TTC22: variants seen among roughly 807,000 people sequenced by gnomAD.
The protein encoded by TTC22 is tetratricopeptide repeat protein 22.
A neutral mutation model predicts 48.2 loss-of-function variants in TTC22; 42 were observed. The observed-to-expected ratio is 0.87, with a 90% CI of 0.68 to 1.13. TTC22 has a LOEUF of 1.13. Among genes scored for constraint, TTC22 ranks in the 50% most tolerant of loss-of-function variants. The pLI is 0.00. For synonymous variants in TTC22, 345 were observed against 365.5 expected (o/e 0.94, Z 0.64); for missense variants, 784 against 807.0 (o/e 0.97, Z 0.34).
chr1:54,784,838 G>A, intron 5 of TTC22: 1 of 1,295,668 alleles, frequency 7.7e-7, no homozygotes, highest in Non-Finnish European at 1.0e-6. Flanking sequence ...TGGGCTCTGT[G>A]TGGGCTCTAG....
Position 54,781,131 on chromosome 1 carries a change from TG to T in TTC22, c.*111del. Reference sequence around the variant, plus strand: ...CACAATTCCCGACCAAGAATCGAACTGGCTCCGCTCCCAGGTCAGCCTAAGG... The same window carrying T: ...CACAATTCCCGACCAAGAATCGAACTGCTCCGCTCCCAGGTCAGCCTAAGG... On this transcript the variant is annotated 3_prime_UTR_variant, in exon 7 of 7. Coordinates refer to ENST00000371276, the MANE Select transcript of TTC22 (RefSeq NM_001114108.2). The T allele has an allele frequency of 1.3e-6, 1 of 747,498 alleles. No individual in the cohort carries two copies. Among genetic ancestry groups the T allele is most frequent in the Non-Finnish European group, 1.9e-6 (1 of 526,950 alleles). 46.3% of individuals were successfully genotyped at this position (747,498 alleles called of 1,614,324 possible).
chr1:54,798,950 T>C (rs1280588290), intron 1 of TTC22, among the ~76,000 whole-genome samples: 1 of 152,188 alleles, frequency 6.6e-6, no homozygotes, highest in African/African-American at 2.4e-5. Flanking sequence ...GAACGAAACC[T>C]CTGACTCTAA....
intron 1 of TTC22, among the ~76,000 whole-genome samples, chr1:54,788,940 C>G (rs1646329041): frequency 6.6e-6 from 1 of 152,220 alleles, no homozygotes; most frequent in South Asian, 2.1e-4. Flanking sequence ...CACTCACAAC[C>G]TGGCAGGGGA....
intron 1 of TTC22, among the ~76,000 whole-genome samples, chr1:54,799,872 C>T (rs1023615314): frequency 6.6e-6 from 1 of 152,164 alleles, no homozygotes. Context: ...CCCTGTTTTA[C>T]AGATGACAAA....
At chr1:54,788,860 T>A (rs1267989060) in intron 1 of TTC22, among the ~76,000 whole-genome samples, 1 of 152,130 alleles carries the variant, frequency 6.6e-6, no homozygotes, top group African/African-American at 2.4e-5. Flanking sequence ...TGAGCACCTA[T>A]GGCATAAGGT....
At chr1:54,784,653 A>G (rs1177938204) in intron 5 of TTC22, 1 of 1,119,884 alleles carries the variant, frequency 8.9e-7, no homozygotes, top group Admixed American at 5.2e-5. Flanking sequence ...ACAGTGAAGG[A>G]ATTTCACTCC....
chr1:54,801,238 G>T lies in TTC22; in HGVS notation c.-75C>A. On this transcript the variant is annotated 5_prime_UTR_variant, in exon 1 of 7. Coordinates refer to ENST00000371276, the MANE Select transcript of TTC22 (RefSeq NM_001114108.2). ...AGGGCAGTGGATGGGGGCGTTCCCC[G>T]AGCGAGCTCCGTGCGGGAGGCGAGG... is the stretch of plus-strand genomic sequence containing the variant. 6.8e-7 allele frequency: 1 copy of T among 1,465,656 alleles called. No individual in the cohort carries two copies. The highest frequency in any genetic ancestry group is 2.4e-5 in the East Asian group (1 of 40,968). The allele number at this position is 1,465,656 out of a possible 1,614,324, so 90.8% of individuals were successfully genotyped here. A position where few individuals can be genotyped will look rare whatever the true frequency, so the allele number is the denominator to read the frequency against.
chr1:54,783,021 C>T (rs1405233897), intron 5 of TTC22, among the ~76,000 whole-genome samples: 1 of 152,074 alleles, frequency 6.6e-6, no homozygotes, highest in Non-Finnish European at 1.5e-5. Context: ...GGCAGGTGGC[C>T]CCAACTGCCA....
At position 54,788,432 on chromosome 1, in the gene TTC22, C is replaced by T. The variant is rs576432429; in HGVS notation, c.568-335G>A. Among the ~76,000 whole-genome samples the T allele has an allele frequency of 5.3e-3, 800 of 152,126 alleles. 10 individuals are homozygous for T. The highest frequency in any genetic ancestry group is 0.018 in the African/African-American group (756 of 41,492). ...TGCCCACCCTCTCCTCCACGCCCAC[C>T]GGCCTCCCGTTTGGTGCCATCCCTG... On this transcript the variant is annotated intron_variant, in intron 1 of 6. Coordinates refer to ENST00000371276, the MANE Select transcript of TTC22 (RefSeq NM_001114108.2).
At chr1:54,795,052 G>A (rs1053388701) in intron 1 of TTC22, 6 of 152,256 alleles carry the variant, frequency 3.9e-5, no homozygotes, top group Admixed American at 3.9e-4. Flanking sequence ...GGCAGGGAAG[G>A]GGGTTGCTCT....
chr1:54,786,231 T>A (rs1646300001), intron 4 of TTC22, 87 bp from the exon 5 acceptor site: 1 of 1,264,650 alleles, frequency 7.9e-7, no homozygotes, highest in African/African-American at 1.5e-5. Context: ...AGGAACCCCA[T>A]CTTTGGATAC....
In TTC22 at chr1:54,795,380, G is replaced by A. The variant is rs141935305; in HGVS notation, c.567+5217C>T. ...CAGTTCCCTGCAGATTTTAAGCTTT[G>A]AGCGGCTCCCTGCTGCCACCTCCTT... is the stretch of plus-strand genomic sequence containing the variant. On this transcript the variant is annotated intron_variant, in intron 1 of 6. Coordinates refer to ENST00000371276, the MANE Select transcript of TTC22 (RefSeq NM_001114108.2). Among the ~76,000 whole-genome samples the A allele has an allele frequency of 4.5e-4, 68 of 152,324 alleles. No homozygotes were observed. In the Middle Eastern group the frequency reaches 0.014, roughly 31 times the overall value.
intron 1 of TTC22, 79 bp downstream of exon 1, chr1:54,800,518 G>T (rs74656880): frequency 0.046 from 56,087 of 1,227,988 alleles, 1,527 homozygotes; most frequent in Admixed American, 0.11. Context: ...AGGGGTACCG[G>T]GGCATCTCTG....
intron 1 of TTC22, among the ~76,000 whole-genome samples, chr1:54,791,406 G>A (rs1306559875): frequency 1.3e-5 from 2 of 152,214 alleles, no homozygotes; most frequent in Non-Finnish European, 2.9e-5. Flanking sequence ...TGTTACCCCT[G>A]GCAGGTTATG....
At chr1:54,792,264 A>T (rs1205087755) in intron 1 of TTC22, among the ~76,000 whole-genome samples, 1 of 152,170 alleles carries the variant, frequency 6.6e-6, no homozygotes, top group Admixed American at 6.5e-5. Context: ...CATTTGCAGG[A>T]GGGCTTGTGG....
At chr1:54,787,364 G>A in intron 3 of TTC22, 1 of 561,812 alleles carries the variant, frequency 1.8e-6, no homozygotes, top group East Asian at 3.0e-5. Context: ...GGTGGTTCTA[G>A]TCCCTGCTCT....
At chr1:54,794,240 G>A (rs1646374045) in intron 1 of TTC22, among the ~76,000 whole-genome samples, 1 of 152,174 alleles carries the variant, frequency 6.6e-6, no homozygotes, top group African/African-American at 2.4e-5. Context: ...TGTGGGCTGG[G>A]TGAGGAAGCA....
At position 54,800,980 on chromosome 1, in the gene TTC22, C is replaced by T; in HGVS notation, c.184G>A (p.Ala62Thr). 1.2e-6 allele frequency: 2 copies of T among 1,603,638 alleles called. No homozygotes were observed. The highest frequency in any genetic ancestry group is 1.7e-6 in the Non-Finnish European group (2 of 1,176,750). The change falls in exon 1 of 7, where the codon GCC (alanine) becomes ACC (threonine). Residue 62 changes from alanine to threonine, a missense_variant. Coordinates refer to ENST00000371276, the MANE Select transcript of TTC22 (RefSeq NM_001114108.2). ...TGACGCACAGCGGGGCGCTGCGGGG[C>T]GGCCGCCAGCTGGAGCTCCTGCCGC... ...GLRQELQLAA[A>T]PQRPAVRHLL...
intron 1 of TTC22, among the ~76,000 whole-genome samples, chr1:54,797,883 G>C (rs1417336648): frequency 6.6e-6 from 1 of 152,136 alleles, no homozygotes; most frequent in Non-Finnish European, 1.5e-5. Flanking sequence ...CCACCTGGGA[G>C]GGTCCCAGCC....
Sources: gnomAD v4.1 joint callset for allele counts (sites outside exome capture counted in the v4.1 genomes callset) on GRCh38, gnomAD v4.1.1 for gene constraint, MANE v1.5 for transcripts, NCBI Gene and HGNC (gene_info 2026-07-23, HGNC 2026-07-21) for gene names.